Variants in CATSPERE observed in about 807,000 individuals in gnomAD.
The protein encoded by CATSPERE is cation channel sperm-associated auxiliary subunit epsilon.
Under a neutral mutation model 114.1 loss-of-function variants are expected in CATSPERE, and 93 were observed. The observed-to-expected ratio is 0.81, with a 90% CI of 0.69 to 0.97. The LOEUF (loss-of-function observed/expected upper bound fraction) is 0.97. Ranked by LOEUF, CATSPERE falls within the 50% of genes least tolerant of loss-of-function variation. CATSPERE has a pLI of 0.00. For missense variants in CATSPERE, 1,058 were observed against 1,131.6 expected, an observed-to-expected ratio of 0.93 and a Z score of 0.93; for synonymous variants, 341 against 384.1, an observed-to-expected ratio of 0.89 and a Z score of 1.31.
At chr1:244,489,968 C>A (rs916172467) in intron 5 of CATSPERE, among the ~76,000 whole-genome samples, 19 of 152,108 alleles carry the variant, frequency 1.2e-4, no homozygotes, top group Non-Finnish European at 1.9e-4. Flanking sequence ...TAAGAAACCT[C>A]AACATTTAAC....
upstream of CATSPERE, among the ~76,000 whole-genome samples, chr1:244,458,142 A>G (rs887321186): frequency 6.6e-6 from 1 of 152,202 alleles, no homozygotes; most frequent in Admixed American, 6.5e-5. Context: ...TCTTAAATGC[A>G]GGTTTCTGAT....
chr1:244,625,978 A>G (rs991995032), intron 20 of CATSPERE, among the ~76,000 whole-genome samples: 6 of 152,072 alleles, frequency 3.9e-5, no homozygotes, highest in Non-Finnish European at 7.4e-5. Context: ...GCATTCTGTA[A>G]ACAGATATGC....
At chr1:244,488,265 CTTAAT>C (rs1242862093) in intron 5 of CATSPERE, among the ~76,000 whole-genome samples, 3 of 152,220 alleles carry the variant, frequency 2.0e-5, no homozygotes, top group Admixed American at 2.0e-4. Flanking sequence ...TACTGTAATA[CTTAAT>C]TTCTATACCA....
chr1:244,606,234 G>A (rs1037599304), intron 18 of CATSPERE, among the ~76,000 whole-genome samples: 5 of 152,036 alleles, frequency 3.3e-5, no homozygotes, highest in East Asian at 3.8e-4. Context: ...CCTTCCACCC[G>A]CCAGGACTGG....
upstream of CATSPERE, among the ~76,000 whole-genome samples, chr1:244,460,186 A>C (rs1436569574): frequency 2.6e-5 from 4 of 152,252 alleles, no homozygotes; most frequent in African/African-American, 9.6e-5. Flanking sequence ...TTCCCAAAGC[A>C]GACCTCCTTC....
At chr1:244,629,103 C>T (rs932831783) in intron 20 of CATSPERE, among the ~76,000 whole-genome samples, 1 of 152,160 alleles carries the variant, frequency 6.6e-6, no homozygotes, top group African/African-American at 2.4e-5. Context: ...TGTTACTTGC[C>T]CAAGAGTACT....
In CATSPERE at chr1:244,568,753, G is replaced by A. The variant is rs1041596884; in HGVS notation, c.1508-3577G>A. The stretch of plus-strand genomic sequence containing the variant: ...GCTGTGCTGGCAGTGAGAATTTCAA[G>A]CCAGTGGATCTTAGCTTGCTGGACT... On this transcript the variant is annotated intron_variant, in intron 10 of 21. Transcript: ENST00000366534. The surrounding 1 kb of genome is among the most constrained non-coding windows in gnomAD (Gnocchi z 4.4). 1.3e-5 allele frequency among the ~76,000 whole-genome samples: 2 copies of A among 152,204 alleles called. No individual in the cohort carries two copies. The highest frequency in any genetic ancestry group is 6.5e-5 in the Admixed American group (1 of 15,282).
chr1:244,520,323 G>A (rs530089991), intron 8 of CATSPERE, among the ~76,000 whole-genome samples: 1 of 147,370 alleles, frequency 6.8e-6, no homozygotes. Context: ...TCATTTTGTG[G>A]TAGGGGTCCA....
In CATSPERE at chr1:244,639,754, T is replaced by G. The variant is rs574264259; in HGVS notation, c.2703-174T>G. On this transcript the variant is annotated intron_variant, in intron 21 of 21. Transcript: ENST00000366534. ...TGATCACCTTGTCTATTTTCCTCCCTGTCAGCCTCAAACACTAAAAGGTAA... is the reference window on the plus strand; with the variant it reads ...TGATCACCTTGTCTATTTTCCTCCCGGTCAGCCTCAAACACTAAAAGGTAA... Among the ~76,000 whole-genome samples, 445 of 152,040 alleles carry G rather than the reference T, an allele frequency of 2.9e-3. 1 individual carries two copies. Among genetic ancestry groups the G allele is most frequent in the Non-Finnish European group, 5.0e-3 (339 of 67,982 alleles).
intron 11 of CATSPERE, among the ~76,000 whole-genome samples, chr1:244,578,948 G>A (rs949947931): frequency 3.5e-5 from 5 of 141,114 alleles, no homozygotes; most frequent in East Asian, 2.2e-4. Flanking sequence ...ACATTTTCTT[G>A]TGATGTCATG....
chr1:244,600,087 G>A (rs1464155343), intron 17 of CATSPERE, among the ~76,000 whole-genome samples: 1 of 152,114 alleles, frequency 6.6e-6, no homozygotes, highest in Non-Finnish European at 1.5e-5. Flanking sequence ...AACTTAGGAC[G>A]TGACGGGACT....
At chr1:244,476,664 A>C (rs920937376) in intron 2 of CATSPERE, among the ~76,000 whole-genome samples, 1 of 152,244 alleles carries the variant, frequency 6.6e-6, no homozygotes, top group Non-Finnish European at 1.5e-5. Context: ...TGTGTCACAA[A>C]TATTAGAAGG....
rs541322249 is a variant in CATSPERE, at chr1:244,601,317, C to T, written c.2304-4378C>T. Among the ~76,000 whole-genome samples, 9 of 152,060 alleles carry T rather than the reference C, an allele frequency of 5.9e-5. No individual in the cohort carries two copies. The South Asian group carries it at 1.9e-3, about 32-fold the overall frequency. On this transcript the variant is annotated intron_variant, in intron 17 of 21. Transcript: ENST00000366534. ...TTCAACATGTGCTTAATAATTTTTT[C>T]CAGAAGGGGAAATTACAGAAAATGC...
At chr1:244,559,935 T>C (rs1662290720) in intron 9 of CATSPERE, among the ~76,000 whole-genome samples, 1 of 152,234 alleles carries the variant, frequency 6.6e-6, no homozygotes, top group Non-Finnish European at 1.5e-5. Context: ...ATGCCTGAAG[T>C]ATTATTCAAA....
At chr1:244,550,937 T>C (rs1660513824) in intron 8 of CATSPERE, among the ~76,000 whole-genome samples, 1 of 152,228 alleles carries the variant, frequency 6.6e-6, no homozygotes, top group Admixed American at 6.5e-5. Context: ...GTGTTTGCTT[T>C]TATAAATTAC....
intron 6 of CATSPERE, among the ~76,000 whole-genome samples, chr1:244,496,907 C>T (rs1232886512): frequency 6.6e-6 from 1 of 152,094 alleles, no homozygotes; most frequent in African/African-American, 2.4e-5. Context: ...GCATAAGAAT[C>T]CAGAAATAAC....
intron 9 of CATSPERE, among the ~76,000 whole-genome samples, chr1:244,556,317 T>C (rs1276197614): frequency 6.7e-6 from 1 of 149,260 alleles, no homozygotes; most frequent in Non-Finnish European, 1.5e-5. Flanking sequence ...ATGAAAAAAA[T>C]TATAAAATCC....
At chr1:244,503,479 TGC>T (rs1428009469) in intron 7 of CATSPERE, among the ~76,000 whole-genome samples, 1 of 152,230 alleles carries the variant, frequency 6.6e-6, no homozygotes, top group Non-Finnish European at 1.5e-5. Context: ...CTGATTCATC[TGC>T]CATCACGTTT....
At chr1:244,552,064 CAAAA>C (rs33962480) in intron 8 of CATSPERE, among the ~76,000 whole-genome samples, 62 of 61,354 alleles carry the variant, frequency 1.0e-3, no homozygotes, top group African/African-American at 3.3e-3. Context: ...ACTCTGTCTC[CAAAA>C]AAAAAAAAAA....
Sources: allele counts gnomAD v4.1 joint callset (sites outside exome capture counted in the v4.1 genomes callset), GRCh38; gene constraint gnomAD v4.1.1; non-coding constraint Gnocchi (gnomAD v3.1); transcripts MANE v1.5; gene names NCBI Gene and HGNC (gene_info 2026-07-23, HGNC 2026-07-21).